ZNF451: variants seen among roughly 807,000 people sequenced by gnomAD.
The protein encoded by ZNF451 is E3 SUMO-protein ligase ZNF451.
In ZNF451, 80 loss-of-function variants were observed where a neutral mutation model predicts 107.1. The ratio of observed to expected loss-of-function variants is 0.75; its 90% CI spans 0.62 to 0.90. The LOEUF is 0.90. Among genes scored for constraint, ZNF451 ranks in the 40% least tolerant of loss-of-function variants. The pLI is 0.00. For missense variants in ZNF451, 1,107 were observed against 1,236.2 expected, an observed-to-expected ratio of 0.90 and a Z score of 1.57; for synonymous variants, 362 against 406.5, an observed-to-expected ratio of 0.89 and a Z score of 1.32.
In ZNF451 at chr6:57,142,113, GC is replaced by G; in HGVS notation, c.1004+19del. ...CATTTCAGGTTTGTATTGGTCTGGA[GC>G]TGTAAAGGAATACGGATGAGTGTTT... On this transcript the variant is annotated intron_variant, in intron 9 of 14. Coordinates refer to ENST00000370706, the MANE Select transcript of ZNF451 (RefSeq NM_001031623.3). 5 of 1,589,874 alleles carry G rather than the reference GC, an allele frequency of 3.1e-6. No homozygotes were observed. The highest frequency in any genetic ancestry group is 4.3e-6 in the Non-Finnish European group (5 of 1,161,754).
chr6:57,162,795 G>C (rs1401169030), intron 14 of ZNF451, among the ~76,000 whole-genome samples: 1 of 152,190 alleles, frequency 6.6e-6, no homozygotes, highest in Admixed American at 6.5e-5. Context: ...TCTGAGATTT[G>C]TGTAACTGGA....
At position 57,147,750 on chromosome 6, in the gene ZNF451, T is replaced by G; in HGVS notation, c.1665T>G (p.Asn555Lys). 1 of 1,613,860 alleles carries G rather than the reference T, an allele frequency of 6.2e-7. No individual in the cohort carries two copies. The highest frequency in any genetic ancestry group is 8.5e-7 in the Non-Finnish European group (1 of 1,179,962). Reference protein sequence around the residue: ...TIMAHVTEFHNGHRYFYEMDE... With the variant: ...TIMAHVTEFHKGHRYFYEMDE... ...TGGCACATGTGACTGAATTTCATAA[T>G]GGACACAGATATTTTTATGAGATGG... The change falls in exon 10 of 15, where the codon AAT becomes AAG. Residue 555 changes from asparagine to lysine, a missense_variant. Asn to Lys is a moderately conservative substitution (Grantham distance 94). Around this residue, in one of 5 missense-constraint regions of ZNF451, gnomAD observed 608 missense variants for 649.2 expected, o/e 0.94. Coordinates refer to ENST00000370706, the MANE Select transcript of ZNF451 (RefSeq NM_001031623.3).
At position 57,147,137 on chromosome 6, in the gene ZNF451, TTACCCAGG is replaced by T; in HGVS notation, c.1054_1061del (p.Thr352CysfsTer20). ...CCTGTAGCTGTAGCTGAGAAGAGCA[TTACCCAGG>T]TTGCAGAGAAATTCATATTAAGAGG... On this transcript the variant is annotated frameshift_variant, in exon 10 of 15. Coordinates refer to ENST00000370706, the MANE Select transcript of ZNF451 (RefSeq NM_001031623.3). LOFTEE classifies it high-confidence loss of function. The T allele has an allele frequency of 1.2e-6, 2 of 1,613,964 alleles. No homozygotes were observed. Among genetic ancestry groups the T allele is most frequent in the Non-Finnish European group, 1.7e-6 (2 of 1,179,900 alleles).
rs1435523929 is a variant in ZNF451 at position 57,128,712 on chromosome 6, T to C, written c.313-17T>C. ...CAGGGTAGTAATCTTAATTGAGTTT[T>C]TTCTTAATGTCTTCAGGAAAAAATT... On this transcript the variant is annotated splice_polypyrimidine_tract_variant and intron_variant, in intron 4 of 14. Transcript: ENST00000370706. The C allele has an allele frequency of 6.3e-7, 1 of 1,582,092 alleles. No homozygotes were observed. The highest frequency in any genetic ancestry group is 8.6e-7 in the Non-Finnish European group (1 of 1,157,224).
intron 3 of ZNF451, chr6:57,124,287 C>T (rs1240730951): frequency 6.5e-6 from 4 of 612,100 alleles, no homozygotes; most frequent in South Asian, 2.0e-5. Context: ...ATGGCTGGCT[C>T]CCCCTGGAGT....
At chr6:57,096,815 G>A (rs1373876187) in intron 2 of ZNF451, among the ~76,000 whole-genome samples, 1 of 100,578 alleles carries the variant, frequency 9.9e-6, no homozygotes, top group African/African-American at 4.0e-5. Flanking sequence ...TTGCTCTGTT[G>A]CCCAGGCTGG....
In ZNF451 at chr6:57,158,854, GGT is replaced by G. The variant is rs781102376; in HGVS notation, c.3071-2229_3071-2228del. Reference sequence around the variant, plus strand: ...GTTGTGGCTTCATTGTGGATGAGTGGGTTAGAAGCAGTAAGTAGGGTTGGCAT... The same window carrying G: ...GTTGTGGCTTCATTGTGGATGAGTGGTAGAAGCAGTAAGTAGGGTTGGCAT... On this transcript the variant is annotated intron_variant, in intron 13 of 14. Coordinates refer to ENST00000370706, the MANE Select transcript of ZNF451 (RefSeq NM_001031623.3). 120 of 985,358 alleles carry G rather than the reference GGT, an allele frequency of 1.2e-4. No individual in the cohort carries two copies. The South Asian group carries it at 3.0e-3, about 25-fold the overall frequency. 61.0% of individuals were successfully genotyped at this position (985,358 alleles called of 1,614,324 possible). A position where few individuals can be genotyped will look rare whatever the true frequency, so the allele number is the denominator to read the frequency against.
In ZNF451 at chr6:57,147,688, A is replaced by G; in HGVS notation, c.1603A>G (p.Thr535Ala). ...HLNNFLFWCRTCKKELTRKDT... is the reference protein window; with the variant it reads ...HLNNFLFWCRACKKELTRKDT... The stretch of plus-strand genomic sequence containing the variant: ...AAATAACTTTCTTTTCTGGTGTCGG[A>G]CATGCAAAAAGGAGTTAACAAGGAA... Residue 535 changes from threonine to alanine, a missense_variant, in exon 10 of 15, where the codon ACA becomes GCA. By Grantham distance (58) the Thr-to-Ala change is moderately conservative. Transcript: ENST00000370706. 1 of 1,614,140 alleles carries G rather than the reference A, an allele frequency of 6.2e-7. No individual in the cohort carries two copies. Among genetic ancestry groups the G allele is most frequent in the South Asian group, 1.1e-5 (1 of 91,084 alleles).
At chr6:57,154,689 C>T (rs1016877866) in intron 13 of ZNF451, 1 of 152,294 alleles carries the variant, frequency 6.6e-6, no homozygotes, top group South Asian at 2.1e-4. Context: ...CAGTCAAATG[C>T]TCTACCACTG....
At chr6:57,151,244 C>T (rs1222925634) in intron 11 of ZNF451, 1 of 159,506 alleles carries the variant, frequency 6.3e-6, no homozygotes, top group African/African-American at 2.4e-5. Context: ...TGGTGGCGGG[C>T]CCCTGTAGTC....
At chr6:57,103,769 C>G in intron 3 of ZNF451, 1 of 985,184 alleles carries the variant, frequency 1.0e-6, no homozygotes, top group Non-Finnish European at 1.2e-6. Flanking sequence ...GGCTTCTGTT[C>G]TTGCCACAGT....
In ZNF451 at chr6:57,150,613, A is replaced by G. The variant is rs896750679; in HGVS notation, c.2609-106A>G. ...TTTAGATAGAAATGAGTAACATTCA[A>G]GGTTAGTATTTTTGCATATTAGGCT... On this transcript the variant is annotated intron_variant, in intron 10 of 14. Coordinates refer to ENST00000370706, the MANE Select transcript of ZNF451 (RefSeq NM_001031623.3). The G allele has an allele frequency of 2.6e-5, 29 of 1,114,400 alleles. No individual in the cohort carries two copies. In the Middle Eastern group the frequency reaches 6.9e-4, roughly 27 times the overall value. The allele number at this position is 1,114,400 out of a possible 1,614,324, so 69.0% of individuals were successfully genotyped here. A position where few individuals can be genotyped will look rare whatever the true frequency, so the allele number is the denominator to read the frequency against.
chr6:57,107,116 T>C (rs1409498447), intron 3 of ZNF451: 1 of 985,304 alleles, frequency 1.0e-6, no homozygotes, highest in African/African-American at 1.7e-5. Context: ...AAATTTTGTT[T>C]GCTTCCTGTG....
intron 3 of ZNF451, among the ~76,000 whole-genome samples, chr6:57,115,762 T>A (rs1830336908): frequency 6.6e-6 from 1 of 152,148 alleles, no homozygotes; most frequent in Non-Finnish European, 1.5e-5. Context: ...TTCCCAATAT[T>A]TTTCCTAAGG....
intron 8 of ZNF451, 46 bp from the exon 9 acceptor site, chr6:57,141,902 C>G: frequency 6.4e-7 from 1 of 1,562,494 alleles, no homozygotes; most frequent in Non-Finnish European, 8.7e-7. Flanking sequence ...TTGGGTTACT[C>G]TGTACTCAAA....
In ZNF451 at chr6:57,169,227, G is replaced by A. The variant is rs1329432657; in HGVS notation, c.*758G>A. ...TTGCATAAAATTATTTTTCATAACA[G>A]TCCTTTTTTATATATTGGTGTAAAC... is the stretch of plus-strand genomic sequence containing the variant. On this transcript the variant is annotated 3_prime_UTR_variant, in exon 15 of 15. Coordinates refer to ENST00000370706, the MANE Select transcript of ZNF451 (RefSeq NM_001031623.3). 6.6e-6 allele frequency: 1 copy of A among 152,026 alleles called. No homozygotes were observed. The highest frequency in any genetic ancestry group is 2.4e-5 in the African/African-American group (1 of 41,404). 9.4% of individuals were successfully genotyped at this position (152,026 alleles called of 1,614,324 possible). A position where few individuals can be genotyped will look rare whatever the true frequency, so the allele number is the denominator to read the frequency against.
chr6:57,101,360 C>T (rs1389278522), intron 3 of ZNF451: 2 of 1,550,628 alleles, frequency 1.3e-6, no homozygotes, highest in Non-Finnish European at 8.7e-7. Context: ...TTTAAAGACC[C>T]TGCTGATTGC....
At position 57,154,058 on chromosome 6, in the gene ZNF451, G is replaced by A. The variant is rs1411540218; in HGVS notation, c.3070+11G>A. ...CTGATACCACCAAAGGTACGCAGCT[G>A]CAGTCACAGTGCAAACCACCCAAGA... On this transcript the variant is annotated intron_variant, in intron 13 of 14. Coordinates refer to ENST00000370706, the MANE Select transcript of ZNF451 (RefSeq NM_001031623.3). 1.2e-6 allele frequency: 2 copies of A among 1,613,828 alleles called. No individual in the cohort carries two copies. Among genetic ancestry groups the A allele is most frequent in the South Asian group, 2.2e-5 (2 of 91,082 alleles).
At chr6:57,106,649 CCA>C (rs1386517669) in intron 3 of ZNF451, 2 of 981,852 alleles carry the variant, frequency 2.0e-6, no homozygotes, top group Non-Finnish European at 2.4e-6. Flanking sequence ...GCATATTTTG[CCA>C]CAGTCTCGCA....
Sources: gnomAD v4.1 joint callset for allele counts (sites outside exome capture counted in the v4.1 genomes callset) on GRCh38, gnomAD v4.1.1 for gene constraint, gnomAD v4.1.1 regional missense constraint, MANE v1.5 for transcripts, NCBI Gene and HGNC (gene_info 2026-07-23, HGNC 2026-07-21) for gene names.